NRDC: variants seen among roughly 807,000 people sequenced by gnomAD.
NRDC encodes nardilysin convertase.
NRDC carries 54 observed loss-of-function variants against 147.1 expected under a neutral mutation model. That is an observed-to-expected ratio of 0.37 (90% confidence interval 0.29 to 0.46). The LOEUF (loss-of-function observed/expected upper bound fraction) is 0.46, where lower values mean the gene tolerates loss of function less well. Among genes scored for constraint, NRDC ranks in the 20% least tolerant of loss-of-function variants. NRDC has a pLI of 1.00. For synonymous variants in NRDC, 440 were observed against 482.1 expected, an observed-to-expected ratio of 0.91 and a Z score of 1.14; for missense variants, 1,082 against 1,370.6, an observed-to-expected ratio of 0.79 and a Z score of 3.33.
rs778449248 is a variant in NRDC, at chr1:51,836,171, A to C, written c.672T>G (p.Asp224Glu). The C allele has an allele frequency of 1.3e-5, 21 of 1,614,094 alleles. No individual in the cohort carries two copies. Among genetic ancestry groups the C allele is most frequent in the Non-Finnish European group, 1.7e-5 (20 of 1,180,046 alleles). The change falls in exon 3 of 31, where the codon GAT (aspartate) becomes GAG (glutamate). Residue 224 changes from aspartate to glutamate, a missense_variant. By Grantham distance (45) the Asp-to-Glu change is conservative. Coordinates refer to ENST00000352171, the MANE Select transcript of NRDC (RefSeq NM_001101662.2). ...ALCVGVGSFA[D>E]PDDLPGLAHF... ...GTGCCAGCCCCGGCAGGTCATCTGG[A>C]TCAGCGAAACTCCCAACTCCAACAC...
At chr1:51,807,654 C>T (rs1048105836) in intron 17 of NRDC, among the ~76,000 whole-genome samples, 1 of 152,100 alleles carries the variant, frequency 6.6e-6, no homozygotes, top group African/African-American at 2.4e-5. Context: ...CTGCAGTGAG[C>T]CATGATCATG....
rs1678443758 is a variant in NRDC, at chr1:51,789,338, C to T, written c.3354G>A (p.Leu1118=). Reference sequence around the variant, plus strand: ...AATCTGCCAGCAGAGGAGAGGTTGGCAGGTAGGTCAGCTGCATCACTTCAC... The same window carrying T: ...AATCTGCCAGCAGAGGAGAGGTTGGTAGGTAGGTCAGCTGCATCACTTCAC... ...SSCEVMQLTY[L]PTSPLLADCI... The change falls in exon 31 of 31, where the codon CTG becomes CTA. Residue 1118 remains leucine, a synonymous_variant. Coordinates refer to ENST00000352171, the MANE Select transcript of NRDC (RefSeq NM_001101662.2). The T allele has an allele frequency of 1.2e-6, 2 of 1,613,990 alleles. No individual in the cohort carries two copies. Among genetic ancestry groups the T allele is most frequent in the African/African-American group, 2.7e-5 (2 of 74,906 alleles).
At chr1:51,797,024 T>C (rs1228822794) in intron 22 of NRDC, among the ~76,000 whole-genome samples, 3 of 151,224 alleles carry the variant, frequency 2.0e-5, no homozygotes, top group Admixed American at 6.6e-5. Flanking sequence ...CACGGTGAAA[T>C]CCCATCTCTG....
At chr1:51,856,962 T>C (rs1237447542) in intron 1 of NRDC, among the ~76,000 whole-genome samples, 1 of 151,840 alleles carries the variant, frequency 6.6e-6, no homozygotes, top group South Asian at 2.1e-4. Flanking sequence ...AACCAATATA[T>C]GTAACATTTG....
chr1:51,816,599 G>A (rs1428471035), intron 10 of NRDC, among the ~76,000 whole-genome samples: 1 of 152,170 alleles, frequency 6.6e-6, no homozygotes, highest in African/African-American at 2.4e-5. Flanking sequence ...GATTACTGAA[G>A]AGTACAATCA....
chr1:51,799,919 C>A (rs1305600252), intron 21 of NRDC, among the ~76,000 whole-genome samples: 1 of 152,202 alleles, frequency 6.6e-6, no homozygotes, highest in African/African-American at 2.4e-5. Flanking sequence ...CAATTTAACT[C>A]AGCTACTAAT....
At chr1:51,848,835 A>C (rs1219541638) in intron 1 of NRDC, among the ~76,000 whole-genome samples, 1 of 152,194 alleles carries the variant, frequency 6.6e-6, no homozygotes, top group Admixed American at 6.5e-5. Context: ...TTTATGGATG[A>C]GGAAACTGAA....
chr1:51,829,468 C>T (rs1680606133), intron 4 of NRDC, among the ~76,000 whole-genome samples: 1 of 152,140 alleles, frequency 6.6e-6, no homozygotes, highest in East Asian at 1.9e-4. Context: ...ACTCATCTTC[C>T]TTTGAAGAAA....
intron 18 of NRDC, among the ~76,000 whole-genome samples, chr1:51,805,781 C>G (rs1014844100): frequency 3.3e-5 from 5 of 152,096 alleles, no homozygotes; most frequent in African/African-American, 1.2e-4. Flanking sequence ...GAAGACCAGA[C>G]ATAAGGGCAG....
intron 10 of NRDC, 26 bp from the exon 11 acceptor site, chr1:51,816,415 A>T (rs1427368004): frequency 2.1e-6 from 3 of 1,435,156 alleles, no homozygotes; most frequent in Non-Finnish European, 2.9e-6. Flanking sequence ...AATGGTCAGA[A>T]GAAAAAAACA....
intron 5 of NRDC, among the ~76,000 whole-genome samples, 174 bp downstream of exon 5, chr1:51,827,622 A>T (rs1001226760): frequency 6.6e-6 from 1 of 151,220 alleles, no homozygotes; most frequent in Non-Finnish European, 1.5e-5. Flanking sequence ...ATTTACTTCA[A>T]ATCTACACTG....
chr1:51,822,799 A>G (rs1240113620), intron 7 of NRDC, among the ~76,000 whole-genome samples: 3 of 152,234 alleles, frequency 2.0e-5, no homozygotes, highest in African/African-American at 7.2e-5. Flanking sequence ...CCATACCACG[A>G]AACTTTACCT....
intron 28 of NRDC, 104 bp downstream of exon 28, chr1:51,790,796 G>C (rs1678593401): frequency 1.0e-6 from 1 of 999,108 alleles, no homozygotes; most frequent in South Asian, 1.4e-5. Context: ...GTAAGAGGAA[G>C]GTGGGGCTGC....
At chr1:51,858,776 C>A (rs1682386288) in intron 1 of NRDC, among the ~76,000 whole-genome samples, 1 of 152,144 alleles carries the variant, frequency 6.6e-6, no homozygotes, top group Non-Finnish European at 1.5e-5. Flanking sequence ...AAACCACCTA[C>A]CCAACTAAAA....
chr1:51,834,258 C>T (rs1680842920), intron 3 of NRDC, 88 bp from the exon 4 acceptor site: 2 of 1,358,456 alleles, frequency 1.5e-6, no homozygotes, highest in Non-Finnish European at 2.0e-6. Flanking sequence ...CATAGAAAAA[C>T]TGAAAGAAAA....
intron 1 of NRDC, among the ~76,000 whole-genome samples, chr1:51,853,712 C>T (rs914477084): frequency 6.6e-6 from 1 of 152,140 alleles, no homozygotes; most frequent in African/African-American, 2.4e-5. Context: ...ACATCTTAGC[C>T]AAGCAGGGAG....
rs927054035 is a variant in NRDC, at chr1:51,835,433, T to C, written c.712+698A>G. Among the ~76,000 whole-genome samples, 5 of 151,658 alleles carry C rather than the reference T, an allele frequency of 3.3e-5. No individual in the cohort carries two copies. The East Asian group carries it at 9.6e-4, about 29-fold the overall frequency. On this transcript the variant is annotated intron_variant, in intron 3 of 30. Coordinates refer to ENST00000352171, the MANE Select transcript of NRDC (RefSeq NM_001101662.2). ...TATTGTTTTGTTTTTATATTAATCA[T>C]GCCTTTTGAATTTCTAGGTTTTTTT... is the stretch of plus-strand genomic sequence containing the variant.
intron 1 of NRDC, among the ~76,000 whole-genome samples, chr1:51,849,158 G>A (rs1283609337): frequency 2.6e-5 from 4 of 151,984 alleles, no homozygotes; most frequent in South Asian, 2.1e-4. Context: ...AGGCCGAGAC[G>A]GGCGGATCAC....
chr1:51,793,704 A>G (rs1363696697), intron 24 of NRDC, among the ~76,000 whole-genome samples: 1 of 152,238 alleles, frequency 6.6e-6, no homozygotes, highest in Admixed American at 6.5e-5. Context: ...GATCTTCACA[A>G]GACCTGACAA....
Sources: allele counts gnomAD v4.1 joint callset (sites outside exome capture counted in the v4.1 genomes callset), GRCh38; gene constraint gnomAD v4.1.1; transcripts MANE v1.5; gene names NCBI Gene and HGNC (gene_info 2026-07-23, HGNC 2026-07-21).